RASGRP1: variants seen among roughly 807,000 people sequenced by gnomAD.
RASGRP1 encodes RAS guanyl releasing protein 1.
In RASGRP1, 37 loss-of-function variants were observed where a neutral mutation model predicts 95.1. The observed-to-expected ratio is 0.39, with a 90% CI of 0.30 to 0.51. The LOEUF is 0.51. RASGRP1 is among the 20% of genes least tolerant of loss of function. The pLI is 0.80. For missense variants in RASGRP1, 711 were observed against 965.4 expected (o/e 0.74, Z 3.49); for synonymous variants, 325 against 353.4 (o/e 0.92, Z 0.90).
At position 38,498,720 on chromosome 15, in the gene RASGRP1, G is replaced by A. The variant is rs1890895452; in HGVS notation, c.1873+74C>T. The A allele has an allele frequency of 2.0e-6, 3 of 1,537,978 alleles. No individual in the cohort carries two copies. The Admixed American group carries it at 5.5e-5, about 28-fold the overall frequency. On this transcript the variant is annotated intron_variant, in intron 15 of 16. Transcript: ENST00000310803. The stretch of plus-strand genomic sequence containing the variant: ...TTAAACTCAAACACAGAGTCATGAG[G>A]TAATCTTTCCGTCTCTAAAACTTTT...
rs763623320 is a variant in RASGRP1, at chr15:38,526,388, C to A, written c.237G>T (p.Leu79=). The A allele has an allele frequency of 1.2e-6, 2 of 1,613,034 alleles. No individual in the cohort carries two copies. The highest frequency in any genetic ancestry group is 2.2e-5 in the South Asian group (2 of 91,068). The change falls in exon 3 of 17, where the codon CTG becomes CTT. Residue 79 remains leucine, a synonymous_variant. Transcript: ENST00000310803. ...CIQSFDADGN[L]CRSNQLLQVM... ...CTTGCAACAGTTGGTTACTTCGACACAGGTTTCCATCTGCATCTGAAAATA... is the reference window on the plus strand; with the variant it reads ...CTTGCAACAGTTGGTTACTTCGACAAAGGTTTCCATCTGCATCTGAAAATA...
intron 2 of RASGRP1, among the ~76,000 whole-genome samples, chr15:38,540,769 C>T (rs375246671): frequency 1.3e-5 from 2 of 152,308 alleles, no homozygotes; most frequent in East Asian, 3.9e-4. Flanking sequence ...TGCAATAGAA[C>T]AAGGTGTCCT....
Position 38,561,789 on chromosome 15 carries a change from G to A in RASGRP1, c.36-1784C>T, listed in dbSNP as rs1423568754. Among the ~76,000 whole-genome samples the A allele has an allele frequency of 2.0e-5, 3 of 152,208 alleles. No individual in the cohort carries two copies. The East Asian group carries it at 5.8e-4, about 29-fold the overall frequency. On this transcript the variant is annotated intron_variant, in intron 1 of 16. Transcript: ENST00000310803. ...CTGCTAACCCTAGGCAGTAATTCCT[G>A]AAAGATCAAGTCGGTGGTACAGGAC... is the stretch of plus-strand genomic sequence containing the variant.
At chr15:38,545,322 C>A (rs1893066396) in intron 2 of RASGRP1, among the ~76,000 whole-genome samples, 1 of 152,194 alleles carries the variant, frequency 6.6e-6, no homozygotes, top group Non-Finnish European at 1.5e-5. Flanking sequence ...TAGCATGCTG[C>A]ACTCTAGTGT....
rs1200829567 is a variant in RASGRP1 at position 38,516,207 on chromosome 15, C to T, written c.665G>A (p.Arg222Gln). 7 of 1,595,142 alleles carry T rather than the reference C, an allele frequency of 4.4e-6. No homozygotes were observed. The highest frequency in any genetic ancestry group is 2.2e-5 in the East Asian group (1 of 44,782). The change falls in exon 6 of 17, where the codon CGG (arginine) becomes CAG (glutamine). Residue 222 changes from arginine to glutamine, a missense_variant. Transcript: ENST00000310803. ...CCCTTGCATACATACCGATATCCTCCGGAAAGACTTGAACTCAAGGTAGGT... is the reference window on the plus strand; with the variant it reads ...CCCTTGCATACATACCGATATCCTCTGGAAAGACTTGAACTCAAGGTAGGT... ...HLTYLEFKSF[R>Q]RISFSDYQNY... is the part of the protein sequence containing the mutation.
intron 8 of RASGRP1, 33 bp downstream of exon 8, chr15:38,511,571 G>T: frequency 6.5e-7 from 1 of 1,528,140 alleles, no homozygotes; most frequent in Non-Finnish European, 9.1e-7. Flanking sequence ...TGAGAATGCT[G>T]CTAAGGGCCC....
At position 38,502,867 on chromosome 15, in the gene RASGRP1, G is replaced by A. The variant is rs113073763; in HGVS notation, c.1428+405C>T. Reference sequence around the variant, plus strand: ...CCATTGTTACATGTGAGTTGTCCACGAGGATACATGCATAAGTATGAGAAT... The same window carrying A: ...CCATTGTTACATGTGAGTTGTCCACAAGGATACATGCATAAGTATGAGAAT... On this transcript the variant is annotated intron_variant, in intron 11 of 16. Transcript: ENST00000310803. The A allele has an allele frequency of 1.7e-3, 409 of 236,966 alleles. 1 individual carries two copies. The highest frequency in any genetic ancestry group is 8.1e-3 in the African/African-American group (357 of 44,274). The allele number at this position is 236,966 out of a possible 1,614,324, so 14.7% of individuals were successfully genotyped here.
At chr15:38,505,693 T>G in intron 10 of RASGRP1, 147 bp downstream of exon 10, 1 of 647,628 alleles carries the variant, frequency 1.5e-6, no homozygotes, top group East Asian at 2.8e-5. Context: ...TTGAAAAGCT[T>G]TCTCTGTTCC....
At chr15:38,564,450 C>T in intron 1 of RASGRP1, 144 bp downstream of exon 1, 1 of 722,940 alleles carries the variant, frequency 1.4e-6, no homozygotes, top group Non-Finnish European at 1.9e-6. Flanking sequence ...CACGTCCGCC[C>T]GTCGCGCTGG....
rs779930461 is a variant in RASGRP1, at chr15:38,554,073, T to C, written c.220+5748A>G. On this transcript the variant is annotated intron_variant, in intron 2 of 16. Transcript: ENST00000310803. Reference sequence around the variant, plus strand: ...GCTGGCTGAATGGCAATCTCTGGGGTTGACTGTGAGGAATTTGAATGTTCA... The same window carrying C: ...GCTGGCTGAATGGCAATCTCTGGGGCTGACTGTGAGGAATTTGAATGTTCA... Among the ~76,000 whole-genome samples the C allele has an allele frequency of 5.3e-4, 80 of 151,694 alleles. 1 individual carries two copies. The highest frequency in any genetic ancestry group is 9.9e-4 in the Non-Finnish European group (67 of 67,928).
intron 13 of RASGRP1, 140 bp from the exon 14 acceptor site, chr15:38,500,279 C>T: frequency 5.1e-6 from 4 of 777,642 alleles, no homozygotes; most frequent in Non-Finnish European, 8.6e-6. Flanking sequence ...CATGTCTTGT[C>T]CCTTCTGACC....
At chr15:38,537,423 G>A (rs987092956) in intron 2 of RASGRP1, among the ~76,000 whole-genome samples, 3 of 152,124 alleles carry the variant, frequency 2.0e-5, no homozygotes, top group Admixed American at 6.5e-5. Context: ...GAGGGAGGAA[G>A]TGCCACACAT....
intron 13 of RASGRP1, 37 bp from the exon 14 acceptor site, chr15:38,500,176 C>T: frequency 6.2e-7 from 1 of 1,607,318 alleles, no homozygotes; most frequent in Non-Finnish European, 8.5e-7. Flanking sequence ...ACATGTCATT[C>T]ATCCATCTGG....
chr15:38,490,439 C>G lies in RASGRP1; in HGVS notation c.*115G>C, dbSNP rs1890527713. ...GTAAATAAACAGTAACAGGCTTTTC[C>G]TTTTAAAGTACTGTTTTAAAGCTGG... is the stretch of plus-strand genomic sequence containing the variant. On this transcript the variant is annotated 3_prime_UTR_variant, in exon 17 of 17. Coordinates refer to ENST00000310803, the MANE Select transcript of RASGRP1 (RefSeq NM_005739.4). 9.3e-7 allele frequency: 1 copy of G among 1,073,596 alleles called. No individual in the cohort carries two copies. The highest frequency in any genetic ancestry group is 1.6e-5 in the African/African-American group (1 of 61,788). The allele number at this position is 1,073,596 out of a possible 1,614,324, so 66.5% of individuals were successfully genotyped here.
At chr15:38,523,632 C>A (rs1437884551) in intron 3 of RASGRP1, among the ~76,000 whole-genome samples, 4 of 152,188 alleles carry the variant, frequency 2.6e-5, no homozygotes, top group African/African-American at 9.6e-5. Context: ...TCACCACTCA[C>A]CCCTGACTAC....
chr15:38,542,842 T>TATATATGTGTATATATATATACAC (rs769590272), intron 2 of RASGRP1, among the ~76,000 whole-genome samples: 2 of 115,282 alleles, frequency 1.7e-5, no homozygotes, highest in East Asian at 5.5e-4. Context: ...TGTGTATATA[T>TATATATGTGTATATATATATACAC]ATATATGTGT....
chr15:38,503,518 G>C, intron 10 of RASGRP1, 142 bp from the exon 11 acceptor site: 1 of 708,360 alleles, frequency 1.4e-6, no homozygotes, highest in Non-Finnish European at 2.4e-6. Context: ...GAACCCACAG[G>C]CAATTGAAAT....
intron 2 of RASGRP1, among the ~76,000 whole-genome samples, chr15:38,554,307 T>C (rs2141189847): frequency 6.6e-6 from 1 of 152,210 alleles, no homozygotes; most frequent in South Asian, 2.1e-4. Flanking sequence ...CTCATAGGGT[T>C]GTTGGGAGGA....
chr15:38,535,252 C>T (rs932878922), intron 2 of RASGRP1, among the ~76,000 whole-genome samples: 14 of 152,102 alleles, frequency 9.2e-5, no homozygotes, highest in African/African-American at 3.4e-4. Context: ...ATGTCCTTCT[C>T]CTCGGGGCTT....
Sources: gnomAD v4.1 joint callset for allele counts (sites outside exome capture counted in the v4.1 genomes callset) on GRCh38, gnomAD v4.1.1 for gene constraint, MANE v1.5 for transcripts, NCBI Gene and HGNC (gene_info 2026-07-23, HGNC 2026-07-21) for gene names.